The following FLOT1 variants were observed in gnomAD, a reference collection of about 807,000 sequenced individuals.
The protein encoded by FLOT1 is flotillin-1.
Under a neutral mutation model 58.4 loss-of-function variants are expected in FLOT1, and 40 were observed. The ratio of observed to expected loss-of-function variants is 0.69; its 90% CI spans 0.53 to 0.89. The LOEUF (loss-of-function observed/expected upper bound fraction) is 0.89. Among genes scored for constraint, FLOT1 ranks in the 40% least tolerant of loss-of-function variants. The probability of loss-of-function intolerance (pLI) is 0.00; values close to 1 mark genes in which losing one functional copy is unlikely to be tolerated. For missense variants in FLOT1, 423 were observed against 540.8 expected (o/e 0.78, Z 2.16); for synonymous variants, 178 against 204.2 (o/e 0.87, Z 1.09).
At position 30,741,555 on chromosome 6, in the gene FLOT1, G is replaced by T. The variant is rs2127782860; in HGVS notation, c.210+59C>A. ...GACTGTGGCCAGAAGATGTCTTAAT[G>T]TCTGGGAGAGAGGGTGATGGGGAAG... On this transcript the variant is annotated intron_variant, in intron 4 of 12. Coordinates refer to ENST00000376389, the MANE Select transcript of FLOT1 (RefSeq NM_005803.4). This position sits in a 1 kb window ranked among gnomAD's most constrained non-coding sequence, Gnocchi z 5.9. 2 of 1,386,740 alleles carry T rather than the reference G, an allele frequency of 1.4e-6. No individual in the cohort carries two copies. Among genetic ancestry groups the T allele is most frequent in the Non-Finnish European group, 2.1e-6 (2 of 974,606 alleles). The allele number at this position is 1,386,740 out of a possible 1,614,324, so 85.9% of individuals were successfully genotyped here.
chr6:30,739,681 T>G (rs1037554858), intron 8 of FLOT1, among the ~76,000 whole-genome samples: 14 of 146,380 alleles, frequency 9.6e-5, no homozygotes, highest in Non-Finnish European at 2.1e-4. Flanking sequence ...TTTTTCTCTT[T>G]TTTGGACAGG....
intron 12 of FLOT1, among the ~76,000 whole-genome samples, chr6:30,729,122 T>C (rs1462671586): frequency 6.6e-6 from 1 of 151,346 alleles, no homozygotes; most frequent in African/African-American, 2.4e-5. Flanking sequence ...TCACCCAGGC[T>C]GGAGTGCAGT....
Position 30,730,701 on chromosome 6 carries a change from G to A in FLOT1, c.932C>T (p.Ala311Val), listed in dbSNP as rs757680800. Residue 311 changes from alanine to valine, a missense_variant, in exon 10 of 13, where the codon GCA (alanine) becomes GTA (valine). Ala to Val is a moderately conservative substitution (Grantham distance 64, BLOSUM62 0). Around this residue, in one of 6 missense-constraint regions of FLOT1, gnomAD observed 106 missense variants for 88.4 expected, o/e 1.20. Coordinates refer to ENST00000376389, the MANE Select transcript of FLOT1 (RefSeq NM_005803.4). Reference protein sequence around the residue: ...EKSQLIMQAEAEAASVRMRGE... With the variant: ...EKSQLIMQAEVEAASVRMRGE... ...ACTCACCCGCACAGACGCGGCTTCT[G>A]CCTCCGCCTGCATAATTAGTTGGGA... is the stretch of plus-strand genomic sequence containing the variant. 5 of 1,613,276 alleles carry A rather than the reference G, an allele frequency of 3.1e-6. No homozygotes were observed. The highest frequency in any genetic ancestry group is 4.2e-6 in the Non-Finnish European group (5 of 1,180,054).
chr6:30,730,242 A>G, intron 11 of FLOT1, 56 bp from the exon 12 acceptor site: 1 of 1,591,960 alleles, frequency 6.3e-7, no homozygotes, highest in Non-Finnish European at 8.6e-7. Flanking sequence ...TTCCTCATAA[A>G]ACAACTTACT....
At position 30,741,399 on chromosome 6, in the gene FLOT1, A is replaced by G; in HGVS notation, c.211-66T>C. ...TCATGAAGTCAGAGAAAAAGCAGAG[A>G]GAGAAGGGAGAGCCCTCTAAGAAAT... On this transcript the variant is annotated intron_variant, in intron 4 of 12. Transcript: ENST00000376389. The surrounding 1 kb of genome is among the most constrained non-coding windows in gnomAD (Gnocchi z 5.9). The G allele has an allele frequency of 6.3e-7, 1 of 1,581,740 alleles. No homozygotes were observed. Among genetic ancestry groups the G allele is most frequent in the South Asian group, 1.1e-5 (1 of 90,250 alleles).
Position 30,742,457 on chromosome 6 carries a change from G to A in FLOT1, c.-15+70C>T, listed in dbSNP as rs28600807. ...TGATAAAGGTCCCCCGCGCCCAGAG[G>A]CCTGCAGACCTTTCCCCTCTCTCCC... On this transcript the variant is annotated intron_variant, in intron 1 of 12. Coordinates refer to ENST00000376389, the MANE Select transcript of FLOT1 (RefSeq NM_005803.4). The surrounding 1 kb of genome is among the most constrained non-coding windows in gnomAD (Gnocchi z 5.2). The A allele has an allele frequency of 0.053, 30,127 of 566,404 alleles. 1,408 individuals are homozygous for A. Among genetic ancestry groups the A allele is most frequent in the African/African-American group, 0.16 (8,168 of 52,214 alleles). 35.1% of individuals were successfully genotyped at this position (566,404 alleles called of 1,614,324 possible). A position where few individuals can be genotyped will look rare whatever the true frequency, so the allele number is the denominator to read the frequency against.
intron 8 of FLOT1, among the ~76,000 whole-genome samples, chr6:30,732,679 C>G (rs576674065): frequency 6.6e-6 from 1 of 152,116 alleles, no homozygotes; most frequent in Non-Finnish European, 1.5e-5. Context: ...TGTCCCATTG[C>G]TCAGGCTCAG....
At position 30,742,270 on chromosome 6, in the gene FLOT1, T is replaced by C; in HGVS notation, c.-14-67A>G. On this transcript the variant is annotated intron_variant, in intron 1 of 12. Transcript: ENST00000376389. The surrounding 1 kb of genome is among the most constrained non-coding windows in gnomAD (Gnocchi z 5.2). ...GCGCTGTGGCGTCCACAGGGGCCCATCCTTTCCCTTTCCCGTCAGGCCCTC... is the reference window on the plus strand; with the variant it reads ...GCGCTGTGGCGTCCACAGGGGCCCACCCTTTCCCTTTCCCGTCAGGCCCTC... 7.3e-7 allele frequency: 1 copy of C among 1,363,024 alleles called. No individual in the cohort carries two copies. The highest frequency in any genetic ancestry group is 1.0e-6 in the Non-Finnish European group (1 of 952,450). The allele number at this position is 1,363,024 out of a possible 1,614,324, so 84.4% of individuals were successfully genotyped here.
chr6:30,741,595 A>G lies in FLOT1; in HGVS notation c.210+19T>C, dbSNP rs1239750651. ...TGATGGGGAAGTGGACTGTGGGGAA[A>G]AGGCTCTGAAAGCTTCACCTGGGCA... On this transcript the variant is annotated intron_variant, in intron 4 of 12. Coordinates refer to ENST00000376389, the MANE Select transcript of FLOT1 (RefSeq NM_005803.4). The surrounding 1 kb of genome is among the most constrained non-coding windows in gnomAD (Gnocchi z 5.9). 4.4e-6 allele frequency: 7 copies of G among 1,582,712 alleles called. No homozygotes were observed. Among genetic ancestry groups the G allele is most frequent in the Non-Finnish European group, 5.2e-6 (6 of 1,152,808 alleles).
Position 30,737,208 on chromosome 6 carries a change from T to TCGTCCGTCCGTCCGTCCGTCCGTCCGTC in FLOT1, c.723+2922_723+2949dup, listed in dbSNP as rs148516220. On this transcript the variant is annotated intron_variant, in intron 8 of 12. Transcript: ENST00000376389. This position sits in a 1 kb window ranked among gnomAD's most constrained non-coding sequence, Gnocchi z 4.4. ...GACTGACTGACTGACTGACTGTCTG[T>TCGTCCGTCCGTCCGTCCGTCCGTCCGTC]CGTCCGTCCGTCCGTCCGTCCGTCC... is the stretch of plus-strand genomic sequence containing the variant. 7.2e-6 allele frequency among the ~76,000 whole-genome samples: 1 copy of TCGTCCGTCCGTCCGTCCGTCCGTCCGTC among 138,042 alleles called. No individual in the cohort carries two copies. Among genetic ancestry groups the TCGTCCGTCCGTCCGTCCGTCCGTCCGTC allele is most frequent in the African/African-American group, 2.8e-5 (1 of 35,650 alleles). 90.6% of individuals were successfully genotyped at this position (138,042 alleles called of 152,430 possible).
In FLOT1 at chr6:30,741,664, T is replaced by C; in HGVS notation, c.160A>G (p.Lys54Glu). The change falls in exon 4 of 13, where the codon AAG (lysine) becomes GAG (glutamate). Residue 54 changes from lysine (K) to glutamate (E), a missense_variant. Lys to Glu is a moderately conservative substitution (Grantham distance 56). This residue lies in a region of FLOT1 where 91 missense variants were observed against 118.3 expected (regional missense o/e 0.77). Transcript: ENST00000376389. The surrounding 1 kb of genome is among the most constrained non-coding windows in gnomAD (Gnocchi z 5.9). ...NTLTLNVKSE[K>E]VYTRHGVPIS... is the part of the protein sequence containing the mutation. ...GGGACCCCATGGCGAGTGTAAACCT[T>C]TTCACTCTTGACATTGAGGGTCAGT... 1 of 1,612,904 alleles carries C rather than the reference T, an allele frequency of 6.2e-7. No homozygotes were observed. The highest frequency in any genetic ancestry group is 8.5e-7 in the Non-Finnish European group (1 of 1,180,002).
At chr6:30,736,533 GGA>G (rs1251532981) in intron 8 of FLOT1, 1 of 148,332 alleles carries the variant, frequency 6.7e-6, no homozygotes, top group Non-Finnish European at 1.5e-5. Context: ...TGAGGTTTTA[GGA>G]GAGAGTAAAA....
intron 8 of FLOT1, 82 bp from the exon 9 acceptor site, chr6:30,731,182 G>C: frequency 7.1e-7 from 1 of 1,412,580 alleles, no homozygotes. Flanking sequence ...TCCAGAGTGG[G>C]ATATAAAAAT....
At chr6:30,729,894 T>G in intron 12 of FLOT1, 128 bp downstream of exon 12, 3 of 782,316 alleles carry the variant, frequency 3.8e-6, no homozygotes, top group Non-Finnish European at 6.3e-6. Flanking sequence ...GCACTGTGTC[T>G]GGCACACAGA....
At position 30,741,940 on chromosome 6, in the gene FLOT1, G is replaced by C; in HGVS notation, c.44-73C>G. ...AAGACTGAGGAACTGGCGGGGGTGA[G>C]GGGACAGCAACCCACAGGAGAGAAT... On this transcript the variant is annotated intron_variant, in intron 2 of 12. Transcript: ENST00000376389. This position sits in a 1 kb window ranked among gnomAD's most constrained non-coding sequence, Gnocchi z 5.9. 1 of 1,413,310 alleles carries C rather than the reference G, an allele frequency of 7.1e-7. No homozygotes were observed. The highest frequency in any genetic ancestry group is 1.0e-6 in the Non-Finnish European group (1 of 1,004,288). The allele number at this position is 1,413,310 out of a possible 1,614,324, so 87.5% of individuals were successfully genotyped here.
chr6:30,733,609 C>T (rs1161047384), intron 8 of FLOT1, among the ~76,000 whole-genome samples: 1 of 151,622 alleles, frequency 6.6e-6, no homozygotes, highest in African/African-American at 2.4e-5. Context: ...GCAATGGTGG[C>T]ACATACCTGT....
chr6:30,739,436 C>T (rs1777805976), intron 8 of FLOT1, among the ~76,000 whole-genome samples: 2 of 151,498 alleles, frequency 1.3e-5, no homozygotes. Context: ...ATGGCGTGGT[C>T]TCAGCTCACT....
chr6:30,729,024 C>T (rs1390155847), intron 12 of FLOT1, among the ~76,000 whole-genome samples: 1 of 151,486 alleles, frequency 6.6e-6, no homozygotes, highest in Non-Finnish European at 1.5e-5. Context: ...GTGATCCGCC[C>T]GCCTCAGCCT....
Position 30,742,156 on chromosome 6 carries a change from C to T in FLOT1, c.34G>A (p.Val12Met). The T allele has an allele frequency of 1.2e-6, 2 of 1,612,856 alleles. No individual in the cohort carries two copies. Among genetic ancestry groups the T allele is most frequent in the Non-Finnish European group, 1.7e-6 (2 of 1,179,952 alleles). Residue 12 changes from valine to methionine, a missense_variant, in exon 2 of 13, where the codon GTG becomes ATG. Physicochemically the swap from Val to Met is conservative, Grantham distance 21 (BLOSUM62 1). Around this residue, in one of 6 missense-constraint regions of FLOT1, gnomAD observed 91 missense variants for 118.3 expected, o/e 0.77. Coordinates refer to ENST00000376389, the MANE Select transcript of FLOT1 (RefSeq NM_005803.4). This position sits in a 1 kb window ranked among gnomAD's most constrained non-coding sequence, Gnocchi z 5.2. Reference protein sequence around the residue: ...FFTCGPNEAMVVSGFCRSPPV... With the variant: ...FFTCGPNEAMMVSGFCRSPPV... ...GAACAACAGTACTTACCGGAGACCA[C>T]CATGGCCTCATTTGGGCCACAAGTG...
Sources: allele counts gnomAD v4.1 joint callset (sites outside exome capture counted in the v4.1 genomes callset), GRCh38; gene constraint gnomAD v4.1.1; regional missense constraint gnomAD v4.1.1; non-coding constraint Gnocchi (gnomAD v3.1); transcripts MANE v1.5; gene names NCBI Gene and HGNC (gene_info 2026-07-23, HGNC 2026-07-21).